The following TENM1 variants were observed in gnomAD, a reference collection of about 807,000 sequenced individuals.
TENM1 encodes the protein teneurin transmembrane protein 1.
A neutral mutation model predicts 174.8 loss-of-function variants in TENM1; 35 were observed. That is an observed-to-expected ratio of 0.20 (90% CI 0.15 to 0.27). The LOEUF (loss-of-function observed/expected upper bound fraction) is 0.27. TENM1 is among the 10% of genes least tolerant of loss of function. The pLI is 1.00. For missense variants in TENM1, 1,633 were observed against 2,130.1 expected (o/e 0.77, Z 4.59); for synonymous variants, 781 against 798.7 (o/e 0.98, Z 0.37).
At chrX:124,753,921 A>G (rs1383554335) in intron 3 of TENM1, among the ~76,000 whole-genome samples, 2 of 111,663 alleles carry the variant, frequency 1.8e-5, no homozygotes, top group African/African-American at 3.3e-5. Flanking sequence ...TTGCATCAAT[A>G]TTCATCAAGG....
the TENM1 span, among the ~76,000 whole-genome samples, chrX:125,084,864 C>T: frequency 2.7e-5 from 3 of 111,471 alleles, no homozygotes; most frequent in African/African-American, 9.7e-5. Context: ...CCAGGAGAGA[C>T]TATTAACCCA....
At chrX:125,010,013 G>C in the TENM1 span, among the ~76,000 whole-genome samples, 1 of 111,504 alleles carries the variant, frequency 9.0e-6, no homozygotes, top group Non-Finnish European at 1.9e-5. Flanking sequence ...ATTCAACACA[G>C]TAATGGAAGT....
At chrX:124,910,552 T>C (rs1342757712) in intron 1 of TENM1, among the ~76,000 whole-genome samples, 1 of 111,972 alleles carries the variant, frequency 8.9e-6, no homozygotes, top group African/African-American at 3.2e-5. Context: ...AAGAGCCAAA[T>C]AGTGATTTGA....
intron 3 of TENM1, among the ~76,000 whole-genome samples, chrX:124,870,285 C>A (rs1465762308): frequency 8.9e-6 from 1 of 111,865 alleles, no homozygotes; most frequent in Non-Finnish European, 1.9e-5. Context: ...AGAAACTATT[C>A]TAGGGCCTTT....
intron 3 of TENM1, among the ~76,000 whole-genome samples, chrX:124,818,551 A>G (rs2055958910): frequency 9.0e-6 from 1 of 111,602 alleles, no homozygotes; most frequent in African/African-American, 3.3e-5. Context: ...TTCTCTCACT[A>G]TTAGGAAAAT....
the TENM1 span, among the ~76,000 whole-genome samples, chrX:125,163,161 T>C: frequency 9.0e-6 from 1 of 111,550 alleles, no homozygotes; most frequent in African/African-American, 3.3e-5. Context: ...ATCTGGAAGC[T>C]GGACAGAACT....
At chrX:125,178,213 A>G in the TENM1 span, among the ~76,000 whole-genome samples, 494 of 111,561 alleles carry the variant, frequency 4.4e-3, 2 homozygotes, top group African/African-American at 0.015. Flanking sequence ...TGCTCCCCAT[A>G]TTAAGATGAT....
chrX:125,006,479 C>T, the TENM1 span, among the ~76,000 whole-genome samples: 40 of 111,832 alleles, frequency 3.6e-4, no homozygotes, highest in African/African-American at 1.3e-3. Context: ...CTGAAGAGTG[C>T]GGCTGATCCT....
intron 14 of TENM1, among the ~76,000 whole-genome samples, chrX:124,549,908 GT>G (rs202238542): frequency 0.32 from 32,782 of 101,052 alleles, 4,257 homozygotes; most frequent in East Asian, 0.78. Context: ...GCTATTAACA[GT>G]TTTTTTTTTT....
chrX:124,933,544 G>A (rs769406346), intron 1 of TENM1, among the ~76,000 whole-genome samples: 12 of 112,202 alleles, frequency 1.1e-4, no homozygotes, highest in African/African-American at 1.6e-4. Context: ...TTAGAAAGAC[G>A]TTTAAAGTCC....
At chrX:125,059,277 G>T in the TENM1 span, among the ~76,000 whole-genome samples, 1 of 111,043 alleles carries the variant, frequency 9.0e-6, no homozygotes, top group African/African-American at 3.3e-5. Flanking sequence ...CCATCTTCTG[G>T]TCAAACACAA....
At chrX:124,865,618 A>T (rs1212867946) in intron 3 of TENM1, among the ~76,000 whole-genome samples, 1 of 111,666 alleles carries the variant, frequency 9.0e-6, no homozygotes, top group Non-Finnish European at 1.9e-5. Flanking sequence ...AAGACCACTT[A>T]ACAACTAAAA....
chrX:124,478,597 G>C (rs1344164393), intron 22 of TENM1, among the ~76,000 whole-genome samples: 1 of 112,160 alleles, frequency 8.9e-6, no homozygotes, highest in Non-Finnish European at 1.9e-5. Context: ...TCCTATAATT[G>C]CAATATGTTG....
intron 1 of TENM1, among the ~76,000 whole-genome samples, chrX:124,918,812 A>G (rs1475454112): frequency 9.0e-6 from 1 of 111,698 alleles, no homozygotes; most frequent in African/African-American, 3.3e-5. Flanking sequence ...GAACAAGGTC[A>G]AGTCAAGTAA....
At chrX:125,098,243 G>A in the TENM1 span, among the ~76,000 whole-genome samples, 7 of 111,587 alleles carry the variant, frequency 6.3e-5, no homozygotes, top group Middle Eastern at 4.7e-3. Context: ...CAGCCTGGGC[G>A]ACAGAGCAAG....
intron 3 of TENM1, among the ~76,000 whole-genome samples, chrX:124,802,686 G>A (rs1018381312): frequency 6.2e-5 from 7 of 112,020 alleles, no homozygotes; most frequent in African/African-American, 1.9e-4. Flanking sequence ...TCCACATGCT[G>A]TTATGGTTCT....
chrX:124,919,208 G>A (rs370391085), intron 1 of TENM1, among the ~76,000 whole-genome samples: 14 of 111,643 alleles, frequency 1.3e-4, no homozygotes, highest in East Asian at 1.1e-3. Context: ...TATTTATTTC[G>A]CTACAACACT....
chrX:125,170,769 C>T, the TENM1 span, among the ~76,000 whole-genome samples: 10 of 111,219 alleles, frequency 9.0e-5, no homozygotes, highest in East Asian at 2.9e-3. Context: ...TATTACCACT[C>T]CAATACCTTC....
chrX:124,534,901 T>C (rs16999269), intron 15 of TENM1, among the ~76,000 whole-genome samples: 11,012 of 111,512 alleles, frequency 0.099, 541 homozygotes, highest in African/African-American at 0.19. Context: ...GACTGGAGGA[T>C]TCCCCTAACA....
Sources: gnomAD v4.1 joint callset for allele counts (sites outside exome capture counted in the v4.1 genomes callset) on GRCh38, gnomAD v4.1.1 for gene constraint, MANE v1.5 for transcripts, NCBI Gene and HGNC (gene_info 2026-07-23, HGNC 2026-07-21) for gene names.